Variants in KDM6A observed in about 807,000 individuals in gnomAD.
KDM6A encodes the protein lysine-specific demethylase 6A.
A neutral mutation model predicts 117.6 loss-of-function variants in KDM6A; 11 were observed. That is an observed-to-expected ratio of 0.09 (90% CI 0.06 to 0.15). The LOEUF is 0.15. Ranked by LOEUF, KDM6A falls within the 10% of genes least tolerant of loss-of-function variation. KDM6A has a pLI of 1.00. For missense variants in KDM6A, 799 were observed against 1,077.3 expected (o/e 0.74, Z 3.62); for synonymous variants, 384 against 396.1 (o/e 0.97, Z 0.36).
At chrX:44,881,827 A>G (rs1011613664) in intron 2 of KDM6A, among the ~76,000 whole-genome samples, 2 of 109,144 alleles carry the variant, frequency 1.8e-5, no homozygotes, top group African/African-American at 6.7e-5. Flanking sequence ...AGCTGACATT[A>G]CAGGTGTGCA....
intron 2 of KDM6A, among the ~76,000 whole-genome samples, chrX:44,884,390 C>A (rs773599639): frequency 1.1e-3 from 125 of 110,911 alleles, no homozygotes; most frequent in Non-Finnish European, 2.1e-3. Flanking sequence ...ACTTCAGTAC[C>A]GATGGGTAGA....
At chrX:45,062,316 T>C (rs1428872844) in intron 15 of KDM6A, among the ~76,000 whole-genome samples, 2 of 112,396 alleles carry the variant, frequency 1.8e-5, no homozygotes, top group Non-Finnish European at 3.8e-5. Context: ...CAGACAGTGC[T>C]GCTTTTAGCA....
chrX:44,981,572 G>A (rs928562107), intron 4 of KDM6A, among the ~76,000 whole-genome samples: 2 of 111,588 alleles, frequency 1.8e-5, no homozygotes, highest in Non-Finnish European at 3.8e-5. Flanking sequence ...ATTGGCCACT[G>A]GTGATCAGCT....
rs777220903 is a variant in KDM6A, at chrX:45,091,258, A to AT, written c.4034+400dup. Among the ~76,000 whole-genome samples, 661 of 111,805 alleles carry AT rather than the reference A, an allele frequency of 5.9e-3. 5 individuals are homozygous for AT. Among genetic ancestry groups the AT allele is most frequent in the African/African-American group, 0.02 (609 of 30,822 alleles). ...ATATAGGGATTTGACTAAAATGCTGATTTTTTAATTTTTAATTAAATCATC... is the reference window on the plus strand; with the variant it reads ...ATATAGGGATTTGACTAAAATGCTGATTTTTTTAATTTTTAATTAAATCATC... On this transcript the variant is annotated intron_variant, in intron 27 of 29. Coordinates refer to ENST00000611820, the MANE Select transcript of KDM6A (RefSeq NM_001291415.2).
intron 2 of KDM6A, among the ~76,000 whole-genome samples, chrX:44,881,823 C>T (rs73488821): frequency 9.2e-6 from 1 of 108,505 alleles, no homozygotes; most frequent in Non-Finnish European, 1.9e-5. Flanking sequence ...GAGTAGCTGA[C>T]ATTACAGGTG....
chrX:44,920,716 A>G (rs1284385980), intron 2 of KDM6A, among the ~76,000 whole-genome samples: 1 of 110,712 alleles, frequency 9.0e-6, no homozygotes, highest in South Asian at 3.8e-4. Context: ...GATTAGAGGC[A>G]TGAGCCACTG....
chrX:45,060,769 A>G lies in KDM6A; in HGVS notation c.1485+5A>G, dbSNP rs1402302920. 2.9e-6 allele frequency: 3 copies of G among 1,044,659 alleles called. No individual in the cohort carries two copies. The highest frequency in any genetic ancestry group is 4.4e-5 in the East Asian group (1 of 22,490). 86.1% of individuals were successfully genotyped at this position (1,044,659 alleles called of 1,213,427 possible). On this transcript the variant is annotated splice_donor_5th_base_variant and intron_variant, in intron 14 of 29. Coordinates refer to ENST00000611820, the MANE Select transcript of KDM6A (RefSeq NM_001291415.2). ...AGAACATCTAGTCCAACAAAGGTAT[A>G]TGTTTTAGAGAAATAGAAAATCCCA... is the stretch of plus-strand genomic sequence containing the variant.
chrX:44,986,431 G>GAA (rs1363562093), intron 4 of KDM6A, among the ~76,000 whole-genome samples: 2 of 111,207 alleles, frequency 1.8e-5, no homozygotes, highest in African/African-American at 6.5e-5. Flanking sequence ...TCTGATCTTA[G>GAA]TTATTTCTTG....
intron 27 of KDM6A, among the ~76,000 whole-genome samples, chrX:45,095,747 G>T (rs1480803903): frequency 9.0e-6 from 1 of 111,641 alleles, no homozygotes; most frequent in African/African-American, 3.3e-5. Context: ...CAGCAGTTTG[G>T]CTTTCTACCC....
At chrX:45,068,374 A>G (rs942003295) in intron 17 of KDM6A, among the ~76,000 whole-genome samples, 1 of 110,578 alleles carries the variant, frequency 9.0e-6, no homozygotes, top group Non-Finnish European at 1.9e-5. Context: ...TTTTCATTCT[A>G]TTAAATGCCC....
chrX:44,906,255 A>G (rs1442223889), intron 2 of KDM6A, among the ~76,000 whole-genome samples: 2 of 110,688 alleles, frequency 1.8e-5, no homozygotes, highest in East Asian at 2.8e-4. Context: ...GGATTAAGCT[A>G]TCTTCCTGCC....
chrX:45,043,196 G>A (rs952911119), intron 8 of KDM6A, among the ~76,000 whole-genome samples: 3 of 110,990 alleles, frequency 2.7e-5, no homozygotes, highest in African/African-American at 9.9e-5. Flanking sequence ...AGGCTGAGGT[G>A]GAAGGATCTC....
At chrX:44,988,998 C>T (rs112932488) in intron 4 of KDM6A, among the ~76,000 whole-genome samples, 2 of 109,043 alleles carry the variant, frequency 1.8e-5, no homozygotes, top group East Asian at 2.9e-4. Flanking sequence ...ATGCCCTGCC[C>T]CCAGAGGTGG....
At chrX:44,886,912 A>G (rs1463266148) in intron 2 of KDM6A, among the ~76,000 whole-genome samples, 2 of 108,657 alleles carry the variant, frequency 1.8e-5, no homozygotes, top group Non-Finnish European at 3.8e-5. Context: ...TATAGCCTTT[A>G]GTTTGTTAAC....
intron 2 of KDM6A, among the ~76,000 whole-genome samples, chrX:44,884,816 C>T (rs2032697414): frequency 9.0e-6 from 1 of 111,666 alleles, no homozygotes; most frequent in Admixed American, 9.6e-5. Context: ...GTCCTCTTTA[C>T]TCACCCTGTT....
intron 2 of KDM6A, among the ~76,000 whole-genome samples, chrX:44,955,611 CTT>C (rs1219617313): frequency 9.0e-6 from 1 of 111,090 alleles, no homozygotes; most frequent in Non-Finnish European, 1.9e-5. Flanking sequence ...AAAACTGAAA[CTT>C]TATACCCATT....
chrX:45,103,390 C>G (rs2046403151), intron 27 of KDM6A, among the ~76,000 whole-genome samples: 1 of 110,895 alleles, frequency 9.0e-6, no homozygotes, highest in Admixed American at 9.7e-5. Flanking sequence ...TAAATTGATT[C>G]AGAAATTTCA....
In KDM6A at chrX:45,073,413, A is replaced by G. The variant is rs1387340410; in HGVS notation, c.2858+3056A>G. On this transcript the variant is annotated intron_variant, in intron 18 of 29. Transcript: ENST00000611820. The stretch of plus-strand genomic sequence containing the variant: ...AGTAATGAATGGGATTGCTGGGTCA[A>G]ATGGTATTCTAGCTCTTGATCCTTG... Among the ~76,000 whole-genome samples, 5 of 111,590 alleles carry G rather than the reference A, an allele frequency of 4.5e-5. No individual in the cohort carries two copies. The Admixed American group carries it at 4.8e-4, about 11-fold the overall frequency.
In KDM6A at chrX:45,060,627, C is replaced by G. The variant is rs1029429164; in HGVS notation, c.1348C>G (p.Pro450Ala). 9.4e-7 allele frequency: 1 copy of G among 1,066,157 alleles called. No individual in the cohort carries two copies. Among genetic ancestry groups the G allele is most frequent in the African/African-American group, 1.8e-5 (1 of 54,099 alleles). The allele number at this position is 1,066,157 out of a possible 1,213,427, so 87.9% of individuals were successfully genotyped here. Residue 450 changes from proline to alanine, a missense_variant, in exon 14 of 30, where the codon CCA becomes GCA. Coordinates refer to ENST00000611820, the MANE Select transcript of KDM6A (RefSeq NM_001291415.2). ...TTCTTAGGCATGTAAACCTCATCAT[C>G]CAAATACTGAACCTGTATTAGGCCT... ...TAQQACKPHH[P>A]NTEPVLGLSQ...
Sources: gnomAD v4.1 joint callset for allele counts (sites outside exome capture counted in the v4.1 genomes callset) on GRCh38, gnomAD v4.1.1 for gene constraint, MANE v1.5 for transcripts, NCBI Gene and HGNC (gene_info 2026-07-23, HGNC 2026-07-21) for gene names.